The following ACTR10 variants were observed in gnomAD, a reference collection of about 807,000 sequenced individuals.
ACTR10 encodes the protein actin related protein 10.
Under a neutral mutation model 56.2 loss-of-function variants are expected in ACTR10, and 43 were observed. The ratio of observed to expected loss-of-function variants is 0.77; its 90% CI spans 0.60 to 0.99. The LOEUF (loss-of-function observed/expected upper bound fraction) is 0.99, where lower values mean the gene tolerates loss of function less well. Ranked by LOEUF, ACTR10 falls within the 50% of genes least tolerant of loss-of-function variation. ACTR10 has a pLI of 0.00. For synonymous variants in ACTR10, 170 were observed against 176.3 expected, an observed-to-expected ratio of 0.96 and a Z score of 0.28; for missense variants, 466 against 507.8, an observed-to-expected ratio of 0.92 and a Z score of 0.79.
chr14:58,219,257 T>C (rs894212333), intron 7 of ACTR10, among the ~76,000 whole-genome samples: 1 of 152,222 alleles, frequency 6.6e-6, no homozygotes, highest in Non-Finnish European at 1.5e-5. Flanking sequence ...AAGGTAGATA[T>C]ACTTGGTATC....
chr14:58,226,837 T>C (rs1213197695), intron 10 of ACTR10, among the ~76,000 whole-genome samples: 1 of 152,094 alleles, frequency 6.6e-6, no homozygotes. Flanking sequence ...CGACCTCAGG[T>C]GATCTGCCTG....
Position 58,205,791 on chromosome 14 carries a change from G to A in ACTR10, c.151-2145G>A, listed in dbSNP as rs531237504. 1.3e-3 allele frequency among the ~76,000 whole-genome samples: 204 copies of A among 152,242 alleles called. 3 individuals carry two copies. The highest frequency in any genetic ancestry group is 4.3e-3 in the African/African-American group (177 of 41,556). On this transcript the variant is annotated intron_variant, in intron 2 of 12. Transcript: ENST00000254286. Reference sequence around the variant, plus strand: ...AATCCCAGCACTTTGGGAGGCTGAGGTGGCCAGATCACTTGAGGCCAGGAG... The same window carrying A: ...AATCCCAGCACTTTGGGAGGCTGAGATGGCCAGATCACTTGAGGCCAGGAG...
chr14:58,211,082 T>C lies in ACTR10; in HGVS notation c.343-210T>C, dbSNP rs1888982241. On this transcript the variant is annotated intron_variant, in intron 4 of 12. Transcript: ENST00000254286. Reference sequence around the variant, plus strand: ...TTGGAATGAAACAGTTGAGCTATTTTTATTACAGTGTATTTTGGTTATTGA... The same window carrying C: ...TTGGAATGAAACAGTTGAGCTATTTCTATTACAGTGTATTTTGGTTATTGA... The C allele has an allele frequency of 7.1e-6, 3 of 424,470 alleles. No homozygotes were observed. In the South Asian group the frequency reaches 8.9e-5, roughly 13 times the overall value. The allele number at this position is 424,470 out of a possible 1,614,324, so 26.3% of individuals were successfully genotyped here.
intron 10 of ACTR10, among the ~76,000 whole-genome samples, chr14:58,225,712 CT>C (rs879692273): frequency 8.0e-4 from 115 of 143,624 alleles, no homozygotes; most frequent in Admixed American, 7.0e-4. Context: ...GTTCACACTT[CT>C]TTTTTTTTTT....
intron 7 of ACTR10, among the ~76,000 whole-genome samples, chr14:58,218,583 T>A (rs71414193): frequency 0.23 from 35,163 of 151,942 alleles, 4,466 homozygotes; most frequent in Middle Eastern, 0.33. Context: ...TGCTTTTTTT[T>A]AAAAATTATG....
intron 8 of ACTR10, among the ~76,000 whole-genome samples, chr14:58,221,672 C>A (rs1196205009): frequency 1.3e-5 from 2 of 152,082 alleles, no homozygotes; most frequent in Non-Finnish European, 2.9e-5. Flanking sequence ...AACTGGGATG[C>A]AGAGGTTGCA....
intron 8 of ACTR10, among the ~76,000 whole-genome samples, chr14:58,221,302 A>T (rs184194970): frequency 0.11 from 13,642 of 129,798 alleles, 927 homozygotes; most frequent in African/African-American, 0.2. Flanking sequence ...AAAAAAAAAA[A>T]ATATATGCAG....
intron 8 of ACTR10, among the ~76,000 whole-genome samples, chr14:58,221,052 G>A (rs765374464): frequency 6.6e-5 from 10 of 152,028 alleles, no homozygotes; most frequent in Non-Finnish European, 1.3e-4. Context: ...GGGAGGCCGA[G>A]GTGGGCGGAT....
intron 7 of ACTR10, among the ~76,000 whole-genome samples, chr14:58,216,836 T>A (rs1425328651): frequency 6.6e-6 from 1 of 152,222 alleles, no homozygotes. Context: ...ATAGCACATA[T>A]GACACATTCT....
intron 4 of ACTR10, 139 bp from the exon 5 acceptor site, chr14:58,211,153 A>C (rs1888983666): frequency 1.7e-6 from 1 of 584,040 alleles, no homozygotes. Context: ...TACTCTCATA[A>C]AATGGTTGAG....
In ACTR10 at chr14:58,200,209, C is replaced by G. The variant is rs772298780; in HGVS notation, c.-9C>G. On this transcript the variant is annotated 5_prime_UTR_variant, in exon 1 of 13. Transcript: ENST00000254286. Reference sequence around the variant, plus strand: ...CTGCGACCCTCTTCTCTCAGTCTGCCTTACTACCATGCCGCTCTACGAGGG... The same window carrying G: ...CTGCGACCCTCTTCTCTCAGTCTGCGTTACTACCATGCCGCTCTACGAGGG... The G allele has an allele frequency of 2.0e-6, 3 of 1,531,032 alleles. No homozygotes were observed. Among genetic ancestry groups the G allele is most frequent in the Non-Finnish European group, 1.8e-6 (2 of 1,139,138 alleles). The allele number at this position is 1,531,032 out of a possible 1,614,324, so 94.8% of individuals were successfully genotyped here.
chr14:58,223,724 C>A (rs1156380319), intron 9 of ACTR10, 23 bp downstream of exon 9: 6 of 1,558,588 alleles, frequency 3.8e-6, no homozygotes, highest in Non-Finnish European at 5.3e-6. Flanking sequence ...AAAAAAAAGG[C>A]ATCTTTTTGC....
chr14:58,231,350 A>G (rs760281285), intron 11 of ACTR10, among the ~76,000 whole-genome samples: 2 of 124,622 alleles, frequency 1.6e-5, no homozygotes, highest in Non-Finnish European at 3.7e-5. Context: ...ACCCAGTGAC[A>G]TGTGCATTCT....
chr14:58,221,971 C>T (rs1421444078), intron 8 of ACTR10, among the ~76,000 whole-genome samples: 3 of 152,012 alleles, frequency 2.0e-5, no homozygotes, highest in Non-Finnish European at 4.4e-5. Context: ...TAGATAGTCA[C>T]GAGAACTTGA....
rs913369403 is a variant in ACTR10, at chr14:58,230,448, G to A, written c.838G>A (p.Val280Ile). 2.5e-6 allele frequency: 4 copies of A among 1,588,840 alleles called. No homozygotes were observed. Among genetic ancestry groups the A allele is most frequent in the Non-Finnish European group, 3.4e-6 (4 of 1,169,282 alleles). ...LFEQDNEEQS[V>I]ATLILDSLIQ... ...TGAACAAGATAATGAAGAGCAATCAGTTGCCACTTTAATATTGGATTCCCT... is the reference window on the plus strand; with the variant it reads ...TGAACAAGATAATGAAGAGCAATCAATTGCCACTTTAATATTGGATTCCCT... Residue 280 changes from valine to isoleucine, a missense_variant, in exon 11 of 13, where the codon GTT becomes ATT. Coordinates refer to ENST00000254286, the MANE Select transcript of ACTR10 (RefSeq NM_018477.3).
chr14:58,229,614 C>G (rs1889482840), intron 10 of ACTR10, among the ~76,000 whole-genome samples: 1 of 149,150 alleles, frequency 6.7e-6, no homozygotes, highest in South Asian at 2.1e-4. Context: ...GGAGGCGGAG[C>G]TTGCAGTGAG....
chr14:58,221,841 C>T (rs114722630), intron 8 of ACTR10, among the ~76,000 whole-genome samples: 38 of 152,002 alleles, frequency 2.5e-4, no homozygotes, highest in Non-Finnish European at 5.3e-4. Flanking sequence ...TCACTTGAAC[C>T]CCAGAGGCGG....
At chr14:58,230,226 G>A (rs1164727900) in intron 10 of ACTR10, among the ~76,000 whole-genome samples, 173 bp from the exon 11 acceptor site, 1 of 152,098 alleles carries the variant, frequency 6.6e-6, no homozygotes, top group East Asian at 1.9e-4. Flanking sequence ...TGTGAGGCAG[G>A]CATTGTTATC....
intron 4 of ACTR10, 115 bp from the exon 5 acceptor site, chr14:58,211,177 A>G: frequency 1.4e-6 from 1 of 731,488 alleles, no homozygotes; most frequent in Non-Finnish European, 2.3e-6. Flanking sequence ...GTATCACCAT[A>G]TAAATTAATA....
Sources: allele counts gnomAD v4.1 joint callset (sites outside exome capture counted in the v4.1 genomes callset), GRCh38; gene constraint gnomAD v4.1.1; transcripts MANE v1.5; gene names NCBI Gene and HGNC (gene_info 2026-07-23, HGNC 2026-07-21).